CNTN4: variants seen among roughly 807,000 people sequenced by gnomAD.
CNTN4 encodes the protein contactin 4.
A neutral mutation model predicts 122.5 loss-of-function variants in CNTN4; 77 were observed. The observed-to-expected ratio is 0.63, with a 90% CI of 0.52 to 0.76. CNTN4 has a LOEUF of 0.76. Among genes scored for constraint, CNTN4 ranks in the 30% least tolerant of loss-of-function variants. CNTN4 has a pLI of 0.00. For synonymous variants in CNTN4, 512 were observed against 447.0 expected (o/e 1.15, Z -1.83); for missense variants, 1,256 against 1,259.1 (o/e 1.00, Z 0.04).
intron 3 of CNTN4, among the ~76,000 whole-genome samples, chr3:2,517,608 C>T (rs1210316710): frequency 6.6e-6 from 1 of 152,114 alleles, no homozygotes; most frequent in Non-Finnish European, 1.5e-5. Context: ...AGCACTTTGT[C>T]CAGAGTAATA....
At chr3:2,326,643 G>A (rs571440977) in intron 2 of CNTN4, among the ~76,000 whole-genome samples, 1 of 152,288 alleles carries the variant, frequency 6.6e-6, no homozygotes, top group Admixed American at 6.5e-5. Context: ...TTCAGTCTGA[G>A]AACTCATTCC....
intron 4 of CNTN4, among the ~76,000 whole-genome samples, chr3:2,711,149 A>G (rs2087123405): frequency 6.6e-6 from 1 of 152,194 alleles, no homozygotes; most frequent in African/African-American, 2.4e-5. Context: ...ATAGTGTCAC[A>G]CACAGCAAGA....
intron 8 of CNTN4, among the ~76,000 whole-genome samples, chr3:2,869,375 T>C (rs2093760211): frequency 6.6e-6 from 1 of 152,108 alleles, no homozygotes; most frequent in Non-Finnish European, 1.5e-5. Context: ...CAGGATATAG[T>C]TTGCTGGTAA....
intron 2 of CNTN4, among the ~76,000 whole-genome samples, chr3:2,114,097 A>G (rs1465504507): frequency 1.3e-5 from 2 of 152,180 alleles, no homozygotes; most frequent in Non-Finnish European, 2.9e-5. Context: ...ATGATGGGAA[A>G]GAATTGATAA....
chr3:2,197,158 C>A (rs56074215), intron 2 of CNTN4, among the ~76,000 whole-genome samples: 25,222 of 151,912 alleles, frequency 0.17, 2,243 homozygotes, highest in South Asian at 0.24. Context: ...TATTAAGGAA[C>A]CTTTACAATT....
At chr3:2,126,338 AG>A (rs1417669737) in intron 2 of CNTN4, among the ~76,000 whole-genome samples, 1 of 152,198 alleles carries the variant, frequency 6.6e-6, no homozygotes, top group Non-Finnish European at 1.5e-5. Context: ...GGCACATTTC[AG>A]GGTGTCACAG....
chr3:3,016,690 C>T (rs1275871582), intron 14 of CNTN4, among the ~76,000 whole-genome samples: 4 of 152,138 alleles, frequency 2.6e-5, no homozygotes, highest in Non-Finnish European at 5.9e-5. Context: ...CACATTTTGA[C>T]CAGGCAGATC....
intron 9 of CNTN4, among the ~76,000 whole-genome samples, chr3:2,885,613 C>G (rs1577153901): frequency 3.9e-5 from 6 of 152,276 alleles, no homozygotes; most frequent in African/African-American, 1.2e-4. Context: ...AGGGCACTTG[C>G]ATTGTTGGTA....
At chr3:2,423,140 A>G (rs951178448) in intron 3 of CNTN4, among the ~76,000 whole-genome samples, 1 of 152,250 alleles carries the variant, frequency 6.6e-6, no homozygotes, top group Non-Finnish European at 1.5e-5. Flanking sequence ...TCTGACTCCT[A>G]GAAGTGGTGT....
chr3:3,012,897 G>A (rs116466275), intron 14 of CNTN4, among the ~76,000 whole-genome samples: 11,402 of 151,928 alleles, frequency 0.075, 508 homozygotes, highest in Middle Eastern at 0.18. Context: ...GAAACTGGGA[G>A]GCAGAAGTTG....
At chr3:2,830,437 A>G (rs2093079966) in intron 7 of CNTN4, among the ~76,000 whole-genome samples, 2 of 152,268 alleles carry the variant, frequency 1.3e-5, no homozygotes, top group African/African-American at 2.4e-5. Flanking sequence ...TAAATGATCT[A>G]CAAACTGTGA....
At chr3:2,106,795 T>C (rs2032486625) in intron 2 of CNTN4, among the ~76,000 whole-genome samples, 1 of 152,244 alleles carries the variant, frequency 6.6e-6, no homozygotes. Context: ...GTTTTTCTTT[T>C]CTACAGCATC....
At chr3:2,504,990 A>G (rs138041171) in intron 3 of CNTN4, among the ~76,000 whole-genome samples, 2 of 152,296 alleles carry the variant, frequency 1.3e-5, no homozygotes, top group East Asian at 3.9e-4. Context: ...CAAAAAGAAG[A>G]ACCCACCCAG....
chr3:2,387,486 G>T (rs1441592394), intron 3 of CNTN4, among the ~76,000 whole-genome samples: 1 of 151,954 alleles, frequency 6.6e-6, no homozygotes, highest in Non-Finnish European at 1.5e-5. Context: ...ACATAATAAT[G>T]GCATCCTTCT....
intron 2 of CNTN4, among the ~76,000 whole-genome samples, chr3:2,307,715 A>G (rs1328997480): frequency 6.6e-6 from 1 of 152,166 alleles, no homozygotes; most frequent in East Asian, 1.9e-4. Context: ...ATGGTGTGCT[A>G]CATTGATTGA....
chr3:2,439,755 A>C (rs1417471733), intron 3 of CNTN4, among the ~76,000 whole-genome samples: 1 of 152,114 alleles, frequency 6.6e-6, no homozygotes, highest in African/African-American at 2.4e-5. Flanking sequence ...GAAGAGCAAT[A>C]AAACAGAGAC....
chr3:2,236,148 CATT>C (rs1487480247), intron 2 of CNTN4, among the ~76,000 whole-genome samples: 5 of 152,122 alleles, frequency 3.3e-5, no homozygotes, highest in African/African-American at 7.2e-5. Context: ...TAATCATAAT[CATT>C]ATGAAGTTAC....
intron 1 of CNTN4, among the ~76,000 whole-genome samples, chr3:2,099,996 C>G (rs1198966524): frequency 1.3e-5 from 2 of 152,246 alleles, no homozygotes; most frequent in African/African-American, 2.4e-5. Flanking sequence ...CGCAGCGAAG[C>G]TCCTGCGAGG....
chr3:2,956,204 T>C (rs1216046868), intron 13 of CNTN4, among the ~76,000 whole-genome samples: 1 of 152,170 alleles, frequency 6.6e-6, no homozygotes, highest in Non-Finnish European at 1.5e-5. Context: ...AAATATTGCA[T>C]AATTGCACTT....
Sources: gnomAD v4.1 joint callset for allele counts (sites outside exome capture counted in the v4.1 genomes callset) on GRCh38, gnomAD v4.1.1 for gene constraint, MANE v1.5 for transcripts, NCBI Gene and HGNC (gene_info 2026-07-23, HGNC 2026-07-21) for gene names.